ASB7: variants seen among roughly 807,000 people sequenced by gnomAD.
ASB7 encodes the protein ankyrin repeat and SOCS box protein 7.
In ASB7, 4 loss-of-function variants were observed where a neutral mutation model predicts 32.5. The ratio of observed to expected loss-of-function variants is 0.12; its 90% CI spans 0.06 to 0.28. The LOEUF (loss-of-function observed/expected upper bound fraction) is 0.28, where lower values mean the gene tolerates loss of function less well. Among genes scored for constraint, ASB7 ranks in the 10% least tolerant of loss-of-function variants. The pLI, the probability that ASB7 is intolerant of heterozygous loss-of-function variation, is 1.00. For missense variants in ASB7, 181 were observed against 407.1 expected (o/e 0.44, Z 4.78); for synonymous variants, 172 against 155.6 (o/e 1.11, Z -0.78).
At position 100,650,054 on chromosome 15, in the gene ASB7, C is replaced by G. The variant is rs1330310700; in HGVS notation, c.*1592C>G. 2 of 152,236 alleles carry G rather than the reference C, an allele frequency of 1.3e-5. No individual in the cohort carries two copies. 9.4% of individuals were successfully genotyped at this position (152,236 alleles called of 1,614,324 possible). Reference sequence around the variant, plus strand: ...CAAGCACAGCGTTTGCTCTTAGACTCTGATCTGCTTGTGCCTAAGCATTGC... The same window carrying G: ...CAAGCACAGCGTTTGCTCTTAGACTGTGATCTGCTTGTGCCTAAGCATTGC... On this transcript the variant is annotated 3_prime_UTR_variant, in exon 6 of 6. Coordinates refer to ENST00000332783, the MANE Select transcript of ASB7 (RefSeq NM_198243.3).
chr15:100,615,645 CTCT>C (rs2039736975), intron 4 of ASB7, among the ~76,000 whole-genome samples: 2 of 152,226 alleles, frequency 1.3e-5, no homozygotes, highest in African/African-American at 2.4e-5. Flanking sequence ...CAGTCCTTTA[CTCT>C]TCTTCTAGAG....
chr15:100,617,868 T>C (rs927690018), intron 4 of ASB7, among the ~76,000 whole-genome samples: 7 of 152,210 alleles, frequency 4.6e-5, no homozygotes, highest in Non-Finnish European at 8.8e-5. Flanking sequence ...TCCTCAGTTT[T>C]ACAGAGACAA....
chr15:100,649,504 GT>G lies in ASB7; in HGVS notation c.*1045del, dbSNP rs761204112. 1.3e-5 allele frequency: 2 copies of G among 151,884 alleles called. No homozygotes were observed. Among genetic ancestry groups the G allele is most frequent in the African/African-American group, 4.8e-5 (2 of 41,306 alleles). The allele number at this position is 151,884 out of a possible 1,614,324, so 9.4% of individuals were successfully genotyped here. On this transcript the variant is annotated 3_prime_UTR_variant, in exon 6 of 6. Transcript: ENST00000332783. ...CAATAATTTGGGGTGGCTTCATGGT[GT>G]TTCTTTTCTTCCCAGTTTAAAAAAA... is the stretch of plus-strand genomic sequence containing the variant.
intron 2 of ASB7, among the ~76,000 whole-genome samples, chr15:100,607,642 T>A (rs1450767842): frequency 6.6e-6 from 1 of 152,188 alleles, no homozygotes; most frequent in African/African-American, 2.4e-5. Context: ...AGAAAAATAA[T>A]CTTAAAATGT....
At chr15:100,604,426 A>G (rs1377786461) in intron 2 of ASB7, among the ~76,000 whole-genome samples, 1 of 152,224 alleles carries the variant, frequency 6.6e-6, no homozygotes, top group Non-Finnish European at 1.5e-5. Context: ...TTATTTTAAT[A>G]TCCCAAATTG....
At chr15:100,615,820 T>C (rs68044554) in intron 4 of ASB7, among the ~76,000 whole-genome samples, 65,866 of 152,192 alleles carry the variant, frequency 0.43, 14,540 homozygotes, top group African/African-American at 0.52. Context: ...GATAGTTCCT[T>C]ATCTGCATAG....
chr15:100,647,681 C>T (rs901203730), intron 5 of ASB7, among the ~76,000 whole-genome samples: 6 of 152,118 alleles, frequency 3.9e-5, no homozygotes, highest in African/African-American at 1.4e-4. Flanking sequence ...TTTTCACACC[C>T]CCTTCTGCTG....
In ASB7 at chr15:100,619,959, A is replaced by C. The variant is rs180884327; in HGVS notation, c.211+7532A>C. On this transcript the variant is annotated intron_variant, in intron 4 of 5. Transcript: ENST00000332783. ...AATCTAAGCCTGTGCTGTCCATAGC[A>C]GGTGTGGTTATTTAAATTTCAGCCA... 1.5e-3 allele frequency among the ~76,000 whole-genome samples: 236 copies of C among 152,366 alleles called. 2 individuals carry two copies. Among genetic ancestry groups the C allele is most frequent in the Non-Finnish European group, 3.7e-4 (25 of 68,040 alleles).
Position 100,649,956 on chromosome 15 carries a change from C to G in ASB7, c.*1494C>G, listed in dbSNP as rs1369969651. The G allele has an allele frequency of 6.6e-6, 1 of 152,236 alleles. No individual in the cohort carries two copies. The highest frequency in any genetic ancestry group is 1.9e-4 in the East Asian group (1 of 5,202). The allele number at this position is 152,236 out of a possible 1,614,324, so 9.4% of individuals were successfully genotyped here. ...TCATGAAGTGTAAAACTGTTTCACC[C>G]AGAAGTGTAACTAAGCAGAACTAGG... On this transcript the variant is annotated 3_prime_UTR_variant, in exon 6 of 6. Transcript: ENST00000332783.
intron 5 of ASB7, among the ~76,000 whole-genome samples, chr15:100,636,693 C>G (rs1391359533): frequency 6.6e-6 from 1 of 152,244 alleles, no homozygotes; most frequent in Non-Finnish European, 1.5e-5. Flanking sequence ...ATTCTTGCCA[C>G]TAACCACTCT....
At chr15:100,643,013 G>A (rs1200487134) in intron 5 of ASB7, among the ~76,000 whole-genome samples, 2 of 152,330 alleles carry the variant, frequency 1.3e-5, no homozygotes, top group African/African-American at 4.8e-5. Flanking sequence ...TCCAGGCTGG[G>A]CCACAGAGTG....
In ASB7 at chr15:100,651,144, GATT is replaced by G. The variant is rs1437534270; in HGVS notation, c.*2685_*2687del. ...ACACCAAAGAAACCAGCTTACAAAA[GATT>G]ATGATCATTAATGAACTGCAAACCT... On this transcript the variant is annotated 3_prime_UTR_variant, in exon 6 of 6. Coordinates refer to ENST00000332783, the MANE Select transcript of ASB7 (RefSeq NM_198243.3). 6.6e-6 allele frequency: 1 copy of G among 150,414 alleles called. No homozygotes were observed. The highest frequency in any genetic ancestry group is 3.2e-3 in the Middle Eastern group (1 of 310). 9.3% of individuals were successfully genotyped at this position (150,414 alleles called of 1,614,324 possible). A position where few individuals can be genotyped will look rare whatever the true frequency, so the allele number is the denominator to read the frequency against.
At chr15:100,644,141 G>A (rs537001375) in intron 5 of ASB7, among the ~76,000 whole-genome samples, 6 of 152,234 alleles carry the variant, frequency 3.9e-5, no homozygotes, top group South Asian at 2.1e-4. Flanking sequence ...CCAGCTACTC[G>A]GGAGGCTGAG....
chr15:100,613,198 C>T (rs1354256406), intron 4 of ASB7, among the ~76,000 whole-genome samples: 1 of 152,184 alleles, frequency 6.6e-6, no homozygotes, highest in Non-Finnish European at 1.5e-5. Context: ...ACTCAAATTA[C>T]ATACATGCCA....
intron 4 of ASB7, among the ~76,000 whole-genome samples, chr15:100,623,259 C>T (rs1567114441): frequency 6.6e-6 from 1 of 151,992 alleles, no homozygotes; most frequent in Admixed American, 6.6e-5. Context: ...ATTAGCTGGG[C>T]CCACGTGGTG....
chr15:100,616,398 C>G lies in ASB7; in HGVS notation c.211+3971C>G, dbSNP rs528444686. ...TTTCTTTAGCCTTATCGTTTGTGCC[C>G]TTGGTGTCTTGTTTAGGAAGTATAC... On this transcript the variant is annotated intron_variant, in intron 4 of 5. Transcript: ENST00000332783. Among the ~76,000 whole-genome samples, 3 of 152,182 alleles carry G rather than the reference C, an allele frequency of 2.0e-5. No individual in the cohort carries two copies. The East Asian group carries it at 5.8e-4, about 29-fold the overall frequency.
At chr15:100,630,095 G>A in intron 5 of ASB7, 53 bp downstream of exon 5, 1 of 1,468,176 alleles carries the variant, frequency 6.8e-7, no homozygotes, top group Non-Finnish European at 9.0e-7. Context: ...TGCATCTTCT[G>A]AGGAGCTTAA....
At chr15:100,606,765 CTG>C (rs370789149) in intron 2 of ASB7, among the ~76,000 whole-genome samples, 4 of 151,838 alleles carry the variant, frequency 2.6e-5, no homozygotes, top group African/African-American at 9.7e-5. Flanking sequence ...TTCCTTGTGA[CTG>C]TGAAAGCTAG....
intron 5 of ASB7, among the ~76,000 whole-genome samples, chr15:100,646,943 A>G (rs1037061855): frequency 3.9e-5 from 6 of 152,218 alleles, no homozygotes; most frequent in African/African-American, 1.4e-4. Flanking sequence ...GATTGAATTC[A>G]GAAGCATATA....
Sources: gnomAD v4.1 joint callset for allele counts (sites outside exome capture counted in the v4.1 genomes callset) on GRCh38, gnomAD v4.1.1 for gene constraint, MANE v1.5 for transcripts, NCBI Gene and HGNC (gene_info 2026-07-23, HGNC 2026-07-21) for gene names.